The following COL4A6 variants were observed in gnomAD, a reference collection of about 807,000 sequenced individuals.
COL4A6 encodes collagen alpha-6(IV) chain.
In COL4A6, 59 loss-of-function variants were observed where a neutral mutation model predicts 126.7. The ratio of observed to expected loss-of-function variants is 0.47; its 90% CI spans 0.38 to 0.58. COL4A6 has a LOEUF of 0.58. Among genes scored for constraint, COL4A6 ranks in the 20% least tolerant of loss-of-function variants. The pLI is 0.00. For missense variants in COL4A6, 1,285 were observed against 1,337.3 expected, an observed-to-expected ratio of 0.96 and a Z score of 0.61; for synonymous variants, 547 against 496.6, an observed-to-expected ratio of 1.10 and a Z score of -1.35.
In COL4A6 at chrX:108,156,922, T is replaced by G. The variant is rs2033755733; in HGVS notation, c.*78A>C. ...CAGGCAAAGGGGCTCAGGCCTTCCT[T>G]CTTCAGACCATTCAGGTTTGTGAGG... is the stretch of plus-strand genomic sequence containing the variant. On this transcript the variant is annotated 3_prime_UTR_variant, in exon 45 of 45. Coordinates refer to ENST00000334504, the MANE Select transcript of COL4A6 (RefSeq NM_033641.4). The G allele has an allele frequency of 1.9e-6, 2 of 1,036,341 alleles. No homozygotes were observed. Among genetic ancestry groups the G allele is most frequent in the Non-Finnish European group, 2.7e-6 (2 of 752,428 alleles). 85.4% of individuals were successfully genotyped at this position (1,036,341 alleles called of 1,213,427 possible).
intron 2 of COL4A6, among the ~76,000 whole-genome samples, chrX:108,348,848 C>G (rs1415785973): frequency 1.8e-5 from 2 of 111,582 alleles, no homozygotes; most frequent in East Asian, 5.6e-4. Context: ...ATATAAGAAA[C>G]ACTCATTTTT....
rs1261752026 is a variant in COL4A6 at position 108,175,231 on chromosome X, T to G, written c.2831-16A>C. ...CCTCTGTCTCCTGCAGGGATGGAGA[T>G]CAGCATGAGAAAGAGAGCTTAGACG... On this transcript the variant is annotated splice_polypyrimidine_tract_variant and intron_variant, in intron 29 of 44. Coordinates refer to ENST00000334504, the MANE Select transcript of COL4A6 (RefSeq NM_033641.4). The G allele has an allele frequency of 8.6e-7, 1 of 1,158,640 alleles. No individual in the cohort carries two copies. Among genetic ancestry groups the G allele is most frequent in the Non-Finnish European group, 1.1e-6 (1 of 872,209 alleles).
intron 2 of COL4A6, among the ~76,000 whole-genome samples, chrX:108,350,399 G>C (rs1272769004): frequency 9.0e-6 from 1 of 111,006 alleles, no homozygotes; most frequent in Non-Finnish European, 1.9e-5. Context: ...TCATCACCTA[G>C]AAACTTGTAG....
intron 3 of COL4A6, among the ~76,000 whole-genome samples, chrX:108,298,433 C>CG (rs1254347134): frequency 1.8e-5 from 2 of 112,175 alleles, no homozygotes; most frequent in Non-Finnish European, 3.8e-5. Context: ...CGCTTCTGCT[C>CG]TGTTTCCCGC....
rs1372320567 is a variant in COL4A6, at chrX:108,191,513, G to C, written c.1201C>G (p.Pro401Ala). ...CCCTTCAGCCCTGGAAATCCCTGAGGCCCTAGGGCTCCTGGGACACCTGGA... is the reference window on the plus strand; with the variant it reads ...CCCTTCAGCCCTGGAAATCCCTGAGCCCCTAGGGCTCCTGGGACACCTGGA... ...ALSGVPGALG[P>A]QGFPGLKGDQ... The change falls in exon 19 of 45, where the codon CCT becomes GCT. Residue 401 changes from proline to alanine, a missense_variant. Pro to Ala is a conservative substitution (Grantham distance 27, BLOSUM62 -1). Transcript: ENST00000334504. 1 of 1,207,669 alleles carries C rather than the reference G, an allele frequency of 8.3e-7. No individual in the cohort carries two copies. The highest frequency in any genetic ancestry group is 1.1e-6 in the Non-Finnish European group (1 of 894,191).
At chrX:108,201,005 C>T (rs2035375046) in intron 13 of COL4A6, among the ~76,000 whole-genome samples, 1 of 112,134 alleles carries the variant, frequency 8.9e-6, no homozygotes, top group Non-Finnish European at 1.9e-5. Flanking sequence ...TGTTCTGTCT[C>T]CAACACTAGG....
At chrX:108,206,827 A>C in intron 8 of COL4A6, 2 of 461,228 alleles carry the variant, frequency 4.3e-6, no homozygotes. Flanking sequence ...GATTAATCTC[A>C]AAATCACTGT....
At chrX:108,343,049 T>A (rs1801207445) in intron 2 of COL4A6, among the ~76,000 whole-genome samples, 1 of 103,362 alleles carries the variant, frequency 9.7e-6, no homozygotes, top group Admixed American at 1.1e-4. Flanking sequence ...GATATGAAGT[T>A]CAGTTTTTAT....
chrX:108,265,701 GAT>G (rs1302061924), intron 3 of COL4A6, among the ~76,000 whole-genome samples: 1 of 110,694 alleles, frequency 9.0e-6, no homozygotes, highest in African/African-American at 3.3e-5. Flanking sequence ...AGGTCCAGAG[GAT>G]AAAGAGAACA....
Position 108,169,484 on chromosome X carries a change from C to T in COL4A6, c.3691+11G>A. ...CTCACTCAGCCTCTACAAGGCCTGACTTGGACTCACCTCGATCACCTTTTT... is the reference window on the plus strand; with the variant it reads ...CTCACTCAGCCTCTACAAGGCCTGATTTGGACTCACCTCGATCACCTTTTT... On this transcript the variant is annotated intron_variant, in intron 37 of 44. Transcript: ENST00000334504. The T allele has an allele frequency of 8.3e-7, 1 of 1,211,218 alleles. No individual in the cohort carries two copies.
chrX:108,266,091 G>A (rs184456841), intron 3 of COL4A6, among the ~76,000 whole-genome samples: 5 of 111,690 alleles, frequency 4.5e-5, no homozygotes. Flanking sequence ...TTGATGAGGT[G>A]GTTTATTTTG....
At chrX:108,363,269 C>T (rs1186994621) in intron 2 of COL4A6, among the ~76,000 whole-genome samples, 1 of 111,941 alleles carries the variant, frequency 8.9e-6, no homozygotes, top group African/African-American at 3.2e-5. Context: ...CCTTGAAATT[C>T]CATGATTCTA....
At chrX:108,380,564 AC>A (rs763048069) in intron 2 of COL4A6, among the ~76,000 whole-genome samples, 1 of 112,382 alleles carries the variant, frequency 8.9e-6, no homozygotes, top group Admixed American at 9.4e-5. Context: ...GATCTTTTTC[AC>A]CACTACTGAT....
At chrX:108,248,811 T>C (rs2036779551) in intron 3 of COL4A6, among the ~76,000 whole-genome samples, 1 of 110,387 alleles carries the variant, frequency 9.1e-6, no homozygotes, top group Non-Finnish European at 1.9e-5. Flanking sequence ...TGAAGCTTCA[T>C]CTGTATTTAC....
intron 3 of COL4A6, among the ~76,000 whole-genome samples, chrX:108,289,242 A>AGTGTGTGTGTGT (rs34639525): frequency 2.7e-4 from 25 of 91,331 alleles, no homozygotes; most frequent in East Asian, 7.3e-4. Flanking sequence ...CAATGAGTAT[A>AGTGTGTGTGTGT]GTGTGTGTGT....
intron 3 of COL4A6, among the ~76,000 whole-genome samples, chrX:108,256,455 A>G (rs2037008779): frequency 9.0e-6 from 1 of 111,513 alleles, no homozygotes; most frequent in African/African-American, 3.3e-5. Flanking sequence ...AATCTTCACA[A>G]CCTTATGAGG....
chrX:108,272,160 C>T (rs1243631045), intron 3 of COL4A6, among the ~76,000 whole-genome samples: 2 of 111,559 alleles, frequency 1.8e-5, no homozygotes, highest in Non-Finnish European at 3.8e-5. Context: ...AGTCTAGGCT[C>T]TGTTCCCTCA....
At chrX:108,353,927 TG>T (rs2039898168) in intron 2 of COL4A6, among the ~76,000 whole-genome samples, 1 of 111,579 alleles carries the variant, frequency 9.0e-6, no homozygotes, top group Non-Finnish European at 1.9e-5. Flanking sequence ...CTGAGGCAGG[TG>T]GATCACTTGA....
At chrX:108,258,776 T>G (rs1006826723) in intron 3 of COL4A6, among the ~76,000 whole-genome samples, 1 of 111,889 alleles carries the variant, frequency 8.9e-6, no homozygotes, top group South Asian at 3.7e-4. Flanking sequence ...GTAGTAATTA[T>G]AGTATTTAAT....
Sources: gnomAD v4.1 joint callset for allele counts (sites outside exome capture counted in the v4.1 genomes callset) on GRCh38, gnomAD v4.1.1 for gene constraint, MANE v1.5 for transcripts, NCBI Gene and HGNC (gene_info 2026-07-23, HGNC 2026-07-21) for gene names.